Variants in XRCC1 observed in about 807,000 individuals in gnomAD.
The protein encoded by XRCC1 is X-ray repair cross complementing 1.
In XRCC1, 52 loss-of-function variants were observed where a neutral mutation model predicts 83.3. The observed-to-expected ratio is 0.62, with a 90% CI of 0.50 to 0.79. XRCC1 has a LOEUF of 0.79. XRCC1 is among the 30% of genes least tolerant of loss of function. XRCC1 has a pLI of 0.00. For missense variants in XRCC1, 793 were observed against 823.5 expected, an observed-to-expected ratio of 0.96 and a Z score of 0.45; for synonymous variants, 281 against 312.6, an observed-to-expected ratio of 0.90 and a Z score of 1.07.
At chr19:43,554,562 A>T in intron 4 of XRCC1, 84 bp downstream of exon 4, 1 of 1,481,060 alleles carries the variant, frequency 6.8e-7, no homozygotes, top group Non-Finnish European at 9.0e-7. Flanking sequence ...TACTCCTCCC[A>T]GCCCTATGGG....
At chr19:43,549,760 G>T (rs1038061380) in intron 10 of XRCC1, among the ~76,000 whole-genome samples, 1 of 151,982 alleles carries the variant, frequency 6.6e-6, no homozygotes, top group African/African-American at 2.4e-5. Context: ...GTCTCACCAC[G>T]TTGCCTGCAT....
At position 43,553,495 on chromosome 19, in the gene XRCC1, C is replaced by A. The variant is rs2146052657; in HGVS notation, c.507G>T (p.Lys169Asn). 2.5e-6 allele frequency: 4 copies of A among 1,614,176 alleles called. No individual in the cohort carries two copies. In the South Asian group the frequency reaches 3.3e-5, roughly 13 times the overall value. ...EAPSQKVTVTKLGQFRVKEED... is the reference protein window; with the variant it reads ...EAPSQKVTVTNLGQFRVKEED... The stretch of plus-strand genomic sequence containing the variant: ...CCTCCTTCACACGGAACTGGCCAAG[C>A]TTGGTCACTGTCACCTTCTAAGGTC... Residue 169 changes from lysine to asparagine, a missense_variant, in exon 6 of 17, where the codon AAG (lysine) becomes AAT (asparagine). Transcript: ENST00000262887.
At chr19:43,551,776 G>GAC (rs1555768809) in intron 9 of XRCC1, 89 bp from the exon 10 acceptor site, 16 of 1,115,080 alleles carry the variant, frequency 1.4e-5, no homozygotes, top group African/African-American at 6.1e-5. Context: ...GAGAGAGAGA[G>GAC]AGACAGACAG....
At chr19:43,544,873 G>C (rs1257635929) in intron 14 of XRCC1, among the ~76,000 whole-genome samples, 1 of 152,060 alleles carries the variant, frequency 6.6e-6, no homozygotes, top group Non-Finnish European at 1.5e-5. Flanking sequence ...GCCCAGGCTG[G>C]TCTTGAACTC....
At chr19:43,566,956 C>T (rs1972759526) in intron 2 of XRCC1, among the ~76,000 whole-genome samples, 1 of 146,404 alleles carries the variant, frequency 6.8e-6, no homozygotes. Flanking sequence ...AATAGATAAA[C>T]ATTGTACAGT....
intron 14 of XRCC1, 64 bp downstream of exon 14, chr19:43,545,754 C>A: frequency 6.3e-7 from 1 of 1,589,208 alleles, no homozygotes; most frequent in Non-Finnish European, 8.6e-7. Flanking sequence ...CTGGCCAGGG[C>A]AAGTCCCAGC....
Position 43,574,981 on chromosome 19 carries a change from G to T in XRCC1, c.73C>A (p.Leu25Ile). 6.2e-7 allele frequency: 1 copy of T among 1,614,128 alleles called. No homozygotes were observed. Among genetic ancestry groups the T allele is most frequent in the Non-Finnish European group, 8.5e-7 (1 of 1,180,004 alleles). The change falls in exon 2 of 17, where the codon CTC (leucine) becomes ATC (isoleucine). Residue 25 changes from leucine to isoleucine, a missense_variant. Coordinates refer to ENST00000262887, the MANE Select transcript of XRCC1 (RefSeq NM_006297.3). Reference sequence around the variant, plus strand: ...CATTTTCGGTAAGTGTCTGCCTTGAGAAGATTTTCTGCACAGTGAGTCTGG... The same window carrying T: ...CATTTTCGGTAAGTGTCTGCCTTGATAAGATTTTCTGCACAGTGAGTCTGG... ...QDSTHCAENL[L>I]KADTYRKWRA...
chr19:43,566,500 C>G (rs1972754168), intron 2 of XRCC1, among the ~76,000 whole-genome samples: 2 of 148,984 alleles, frequency 1.3e-5, no homozygotes, highest in Non-Finnish European at 3.0e-5. Flanking sequence ...CCACTGCATT[C>G]CAGCCTGGGT....
chr19:43,544,833 G>C (rs1265757280), intron 14 of XRCC1, among the ~76,000 whole-genome samples: 2 of 139,198 alleles, frequency 1.4e-5, no homozygotes, highest in Non-Finnish European at 1.6e-5. Flanking sequence ...GTTTTGTAAA[G>C]GCGGGGGTCG....
intron 2 of XRCC1, among the ~76,000 whole-genome samples, chr19:43,571,102 T>A (rs1972803174): frequency 6.9e-6 from 1 of 145,246 alleles, no homozygotes; most frequent in Non-Finnish European, 1.5e-5. Flanking sequence ...CTCCGGTGGC[T>A]CCTATCTCAC....
intron 4 of XRCC1, 66 bp downstream of exon 4, chr19:43,554,580 A>G: frequency 6.5e-7 from 1 of 1,536,052 alleles, no homozygotes; most frequent in Non-Finnish European, 8.8e-7. Context: ...GGGACTCAAT[A>G]TTGGCCCTTA....
Position 43,552,797 on chromosome 19 carries a change from A to G in XRCC1, c.823T>C (p.Leu275=), listed in dbSNP as rs781639877. ...GAAACAAGGGATCTAGTTAGCTCAC[A>G]TTTAGGTCTCTTGGGAACAGATGGC... ...LSPSVPKRPK[L]PAPTRTPATA... is the part of the protein sequence containing the mutation. Residue 275 remains leucine (L), a splice_region_variant and synonymous_variant, in exon 8 of 17, where the codon TTG becomes CTG. Coordinates refer to ENST00000262887, the MANE Select transcript of XRCC1 (RefSeq NM_006297.3). 6.2e-7 allele frequency: 1 copy of G among 1,603,166 alleles called. No individual in the cohort carries two copies. The highest frequency in any genetic ancestry group is 1.7e-5 in the Admixed American group (1 of 57,614).
chr19:43,556,512 C>T (rs1318108788), intron 3 of XRCC1, among the ~76,000 whole-genome samples: 1 of 152,140 alleles, frequency 6.6e-6, no homozygotes, highest in Non-Finnish European at 1.5e-5. Context: ...CATTGAAAAA[C>T]CCAAGCTGAG....
intron 10 of XRCC1, among the ~76,000 whole-genome samples, chr19:43,549,681 C>G (rs1435693473): frequency 1.3e-5 from 2 of 152,218 alleles, no homozygotes; most frequent in East Asian, 3.9e-4. Flanking sequence ...CTCAGCCTCC[C>G]AAGTATCTAC....
At chr19:43,561,136 G>A (rs1972695203) in intron 2 of XRCC1, 116 bp from the exon 3 acceptor site, 4 of 826,122 alleles carry the variant, frequency 4.8e-6, no homozygotes, top group South Asian at 2.9e-5. Flanking sequence ...ATTCTGTGAG[G>A]GGGCACACCA....
intron 6 of XRCC1, 46 bp from the exon 7 acceptor site, chr19:43,553,137 A>T (rs770969968): frequency 1.3e-6 from 2 of 1,526,058 alleles, no homozygotes; most frequent in South Asian, 2.4e-5. Flanking sequence ...CTGAGCCCCA[A>T]GACCCTTTCA....
At chr19:43,566,137 G>A (rs1433293694) in intron 2 of XRCC1, among the ~76,000 whole-genome samples, 4 of 151,926 alleles carry the variant, frequency 2.6e-5, no homozygotes, top group African/African-American at 9.7e-5. Flanking sequence ...ACAGGAGGCT[G>A]AGGCCAGAGA....
intron 14 of XRCC1, among the ~76,000 whole-genome samples, chr19:43,545,514 C>T (rs1236689271): frequency 1.3e-5 from 2 of 152,186 alleles, no homozygotes; most frequent in African/African-American, 4.8e-5. Context: ...GAAGCACTAG[C>T]ATGAGGGTGG....
At chr19:43,574,550 T>C in intron 2 of XRCC1, 1 of 203,980 alleles carries the variant, frequency 4.9e-6, no homozygotes. Context: ...TTCTTTAAAG[T>C]GGAGTTGATT....
Sources: allele counts gnomAD v4.1 joint callset (sites outside exome capture counted in the v4.1 genomes callset), GRCh38; gene constraint gnomAD v4.1.1; transcripts MANE v1.5; gene names NCBI Gene and HGNC (gene_info 2026-07-23, HGNC 2026-07-21).